VPS13A: variants seen among roughly 807,000 people sequenced by gnomAD.
The protein encoded by VPS13A is vacuolar protein sorting 13 homolog A.
In VPS13A, 264 loss-of-function variants were observed where a neutral mutation model predicts 390.9. That is an observed-to-expected ratio of 0.68 (90% confidence interval 0.61 to 0.75). The LOEUF (loss-of-function observed/expected upper bound fraction) is 0.75, where lower values mean the gene tolerates loss of function less well. Among genes scored for constraint, VPS13A ranks in the 30% least tolerant of loss-of-function variants. The pLI is 0.00. For synonymous variants in VPS13A, 1,231 were observed against 1,227.1 expected, an observed-to-expected ratio of 1.00 and a Z score of -0.07; for missense variants, 3,409 against 3,733.9, an observed-to-expected ratio of 0.91 and a Z score of 2.27.
Position 77,357,839 on chromosome 9 carries a change from G to T in VPS13A, c.7953+1G>T. 6.2e-7 allele frequency: 1 copy of T among 1,611,664 alleles called. No homozygotes were observed. Among genetic ancestry groups the T allele is most frequent in the Non-Finnish European group, 8.5e-7 (1 of 1,179,330 alleles). On this transcript the variant is annotated splice_donor_variant, in intron 56 of 71. Transcript: ENST00000360280. LOFTEE classifies it high-confidence loss of function. ...TAGAATTCAGATTTACAGAATACAG[G>T]TAAGTCTTTCTGAAAATATAGGCAA...
intron 24 of VPS13A, among the ~76,000 whole-genome samples, chr9:77,274,128 A>G (rs541675842): frequency 3.9e-5 from 6 of 152,262 alleles, no homozygotes; most frequent in African/African-American, 1.4e-4. Context: ...TATAAAGTTG[A>G]ACAGAAAATG....
intron 1 of VPS13A, among the ~76,000 whole-genome samples, chr9:77,179,692 T>G (rs563338633): frequency 3.2e-4 from 49 of 152,136 alleles, no homozygotes; most frequent in Non-Finnish European, 4.7e-4. Flanking sequence ...TGTACGTTTT[T>G]TTTTTTTTTT....
rs769146492 is a variant in VPS13A at position 77,283,447 on chromosome 9, A to G, written c.3211A>G (p.Asn1071Asp). 40 of 1,598,386 alleles carry G rather than the reference A, an allele frequency of 2.5e-5. No homozygotes were observed. The highest frequency in any genetic ancestry group is 1.7e-4 in the Middle Eastern group (1 of 6,052). The change falls in exon 30 of 72, where the codon AAC becomes GAC. Residue 1071 changes from asparagine (N) to aspartate (D), a missense_variant. Asn to Asp is a conservative substitution (Grantham distance 23). This residue lies in a region of VPS13A where 2,717 missense variants were observed against 2,917.4 expected (regional missense o/e 0.93). Coordinates refer to ENST00000360280, the MANE Select transcript of VPS13A (RefSeq NM_033305.3). Reference protein sequence around the residue: ...LQIFIQDQKCNISEIKIEGLD... With the variant: ...LQIFIQDQKCDISEIKIEGLD... ...GATCTTTATTCAAGATCAGAAATGT[A>G]ACATTTCTGAAATTAAGATTGAAGG...
At chr9:77,344,527 G>A (rs1402228914) in intron 51 of VPS13A, among the ~76,000 whole-genome samples, 6 of 152,128 alleles carry the variant, frequency 3.9e-5, no homozygotes, top group Non-Finnish European at 7.4e-5. Flanking sequence ...GGAGGCCGAG[G>A]CAGGCGGATC....
At chr9:77,201,523 T>A in intron 3 of VPS13A, 116 bp downstream of exon 3, 1 of 976,554 alleles carries the variant, frequency 1.0e-6, no homozygotes, top group Non-Finnish European at 1.7e-6. Flanking sequence ...TTAAAAATAA[T>A]CATGTGTTTT....
At chr9:77,288,927 G>C (rs1587501111) in intron 31 of VPS13A, among the ~76,000 whole-genome samples, 1 of 152,112 alleles carries the variant, frequency 6.6e-6, no homozygotes, top group African/African-American at 2.4e-5. Flanking sequence ...AAATGTGTAT[G>C]AATTTTATGC....
intron 17 of VPS13A, among the ~76,000 whole-genome samples, chr9:77,236,820 G>A (rs113874971): frequency 2.6e-5 from 4 of 152,288 alleles, no homozygotes; most frequent in African/African-American, 7.2e-5. Flanking sequence ...TTTCTGTAAC[G>A]TGGTGTGGGG....
rs1439374549 is a variant in VPS13A at position 77,267,895 on chromosome 9, G to T, written c.2428-5385G>T. Among the ~76,000 whole-genome samples, 3 of 152,222 alleles carry T rather than the reference G, an allele frequency of 2.0e-5. No homozygotes were observed. The East Asian group carries it at 5.8e-4, about 29-fold the overall frequency. On this transcript the variant is annotated intron_variant, in intron 23 of 71. Coordinates refer to ENST00000360280, the MANE Select transcript of VPS13A (RefSeq NM_033305.3). ...TGGAGGAGTCTAGAGAGGCAGTCTG[G>T]CTACAGTGGCTTTGCTGAGCTGCAG...
Position 77,226,578 on chromosome 9 carries a change from A to C in VPS13A, c.1337A>C (p.Gln446Pro). The change falls in exon 15 of 72, where the codon CAA becomes CCA. Residue 446 changes from glutamine to proline, a missense_variant. Around this residue, in one of 5 missense-constraint regions of VPS13A, gnomAD observed 2,717 missense variants for 2,917.4 expected, o/e 0.93. Coordinates refer to ENST00000360280, the MANE Select transcript of VPS13A (RefSeq NM_033305.3). Reference sequence around the variant, plus strand: ...TCAGAACAAAATACTAATGAACAGCAACCAGATGTTCAACCTGAAAGTATG... The same window carrying C: ...TCAGAACAAAATACTAATGAACAGCCACCAGATGTTCAACCTGAAAGTATG... ...SWSEQNTNEQ[Q>P]PDVQPETLEE... The C allele has an allele frequency of 6.2e-7, 1 of 1,612,756 alleles. No homozygotes were observed.
At chr9:77,224,115 C>G (rs1823374948) in intron 13 of VPS13A, among the ~76,000 whole-genome samples, 1 of 152,136 alleles carries the variant, frequency 6.6e-6, no homozygotes, top group Non-Finnish European at 1.5e-5. Flanking sequence ...AAGCTCAGAC[C>G]TACTGCTCAG....
intron 10 of VPS13A, among the ~76,000 whole-genome samples, chr9:77,216,472 A>G (rs901422411): frequency 6.6e-6 from 1 of 152,190 alleles, no homozygotes; most frequent in African/African-American, 2.4e-5. Context: ...TGTAGGTGAA[A>G]GAGAATGGTG....
chr9:77,202,129 C>A (rs1825367256), intron 3 of VPS13A, among the ~76,000 whole-genome samples: 1 of 152,064 alleles, frequency 6.6e-6, no homozygotes, highest in Admixed American at 6.6e-5. Flanking sequence ...ACAAAGTATT[C>A]TGAAAGGTTA....
rs771085531 is a variant in VPS13A at position 77,365,445 on chromosome 9, G to T, written c.8212-15G>T. 1 of 1,540,410 alleles carries T rather than the reference G, an allele frequency of 6.5e-7. No individual in the cohort carries two copies. Among genetic ancestry groups the T allele is most frequent in the Non-Finnish European group, 9.0e-7 (1 of 1,114,298 alleles). ...TAGGTCCCTTTAGTTTTAATATTTTGTGTTCCTTTTATAGGTTGAGCTTTT... is the reference window on the plus strand; with the variant it reads ...TAGGTCCCTTTAGTTTTAATATTTTTTGTTCCTTTTATAGGTTGAGCTTTT... On this transcript the variant is annotated splice_polypyrimidine_tract_variant and intron_variant, in intron 59 of 71. Transcript: ENST00000360280.
intron 1 of VPS13A, among the ~76,000 whole-genome samples, chr9:77,194,982 A>C (rs913053713): frequency 6.6e-6 from 1 of 151,972 alleles, no homozygotes; most frequent in Admixed American, 6.5e-5. Flanking sequence ...ACGAAGTCCA[A>C]TTCACCTATT....
Position 77,221,370 on chromosome 9 carries a change from A to T in VPS13A, c.1161+14A>T, listed in dbSNP as rs368187073. 6.2e-7 allele frequency: 1 copy of T among 1,611,772 alleles called. No individual in the cohort carries two copies. Among genetic ancestry groups the T allele is most frequent in the South Asian group, 1.1e-5 (1 of 90,990 alleles). On this transcript the variant is annotated intron_variant, in intron 13 of 71. Transcript: ENST00000360280. Reference sequence around the variant, plus strand: ...GTGTCTTTGGAGGTTAGCATTTAAAATGAAATTGTTGAGTGTTTTATACTA... The same window carrying T: ...GTGTCTTTGGAGGTTAGCATTTAAATTGAAATTGTTGAGTGTTTTATACTA...
Position 77,416,213 on chromosome 9 carries a change from C to A in VPS13A, c.*207C>A. On this transcript the variant is annotated 3_prime_UTR_variant, in exon 72 of 72. Coordinates refer to ENST00000360280, the MANE Select transcript of VPS13A (RefSeq NM_033305.3). Reference sequence around the variant, plus strand: ...GCTATGTGATTAAAATATTTTAATTCTTCAGCAATTACCCGGTTTTCTAAA... The same window carrying A: ...GCTATGTGATTAAAATATTTTAATTATTCAGCAATTACCCGGTTTTCTAAA... 1 of 522,234 alleles carries A rather than the reference C, an allele frequency of 1.9e-6. No individual in the cohort carries two copies. The highest frequency in any genetic ancestry group is 3.4e-6 in the Non-Finnish European group (1 of 289,994). The allele number at this position is 522,234 out of a possible 1,614,324, so 32.4% of individuals were successfully genotyped here.
intron 68 of VPS13A, among the ~76,000 whole-genome samples, chr9:77,392,705 G>A (rs115839142): frequency 0.01 from 1,536 of 149,788 alleles, 20 homozygotes; most frequent in East Asian, 0.024. Flanking sequence ...CAATCACGTC[G>A]TTAAAAAACT....
At chr9:77,280,847 G>C (rs778813159) in intron 27 of VPS13A, among the ~76,000 whole-genome samples, 32 of 151,950 alleles carry the variant, frequency 2.1e-4, no homozygotes, top group Non-Finnish European at 3.8e-4. Flanking sequence ...GATTTTTGTT[G>C]TATATGCATT....
At chr9:77,302,345 A>G (rs1239750983) in intron 33 of VPS13A, among the ~76,000 whole-genome samples, 1 of 147,446 alleles carries the variant, frequency 6.8e-6, no homozygotes, top group Non-Finnish European at 1.5e-5. Context: ...CCAAAATTGT[A>G]TCGAAAAATA....
Sources: allele counts gnomAD v4.1 joint callset (sites outside exome capture counted in the v4.1 genomes callset), GRCh38; gene constraint gnomAD v4.1.1; regional missense constraint gnomAD v4.1.1; transcripts MANE v1.5; gene names NCBI Gene and HGNC (gene_info 2026-07-23, HGNC 2026-07-21).